Variants in CAMTA1 observed in about 807,000 individuals in gnomAD.
CAMTA1 encodes calmodulin binding transcription activator 1, also known as calmodulin-binding transcription activator 1.
CAMTA1 carries 27 observed loss-of-function variants against 170.9 expected under a neutral mutation model. The observed-to-expected ratio is 0.16, with a 90% CI of 0.12 to 0.22. CAMTA1 has a LOEUF of 0.22. Ranked by LOEUF, CAMTA1 falls within the 10% of genes least tolerant of loss-of-function variation. The probability of loss-of-function intolerance (pLI) is 1.00; values close to 1 mark genes in which losing one functional copy is unlikely to be tolerated. For synonymous variants in CAMTA1, 833 were observed against 891.5 expected, an observed-to-expected ratio of 0.93 and a Z score of 1.17; for missense variants, 1,619 against 2,217.2, an observed-to-expected ratio of 0.73 and a Z score of 5.42.
At chr1:6,827,549 A>C (rs1255007600) in intron 3 of CAMTA1, among the ~76,000 whole-genome samples, 1 of 149,836 alleles carries the variant, frequency 6.7e-6, no homozygotes, top group Non-Finnish European at 1.5e-5. Context: ...TTTTTTTTTT[A>C]AACTGGCTTT....
At chr1:7,603,557 C>A (rs1201292609) in intron 6 of CAMTA1, among the ~76,000 whole-genome samples, 6 of 152,202 alleles carry the variant, frequency 3.9e-5, no homozygotes, top group African/African-American at 1.4e-4. Context: ...CCATCCCTTT[C>A]TTTTGAGCCT....
intron 3 of CAMTA1, among the ~76,000 whole-genome samples, chr1:6,883,338 G>A (rs1181160107): frequency 6.6e-6 from 1 of 151,472 alleles, no homozygotes; most frequent in African/African-American, 2.4e-5. Flanking sequence ...GAAATGGTGA[G>A]AATAAAAGCC....
At chr1:7,288,988 T>C (rs1192866339) in intron 5 of CAMTA1, among the ~76,000 whole-genome samples, 1 of 152,198 alleles carries the variant, frequency 6.6e-6, no homozygotes, top group Non-Finnish European at 1.5e-5. Context: ...TGGTATCTTC[T>C]TGGCTTCTGG....
At chr1:7,056,293 G>T (rs1275423946) in intron 3 of CAMTA1, among the ~76,000 whole-genome samples, 1 of 152,034 alleles carries the variant, frequency 6.6e-6, no homozygotes, top group Non-Finnish European at 1.5e-5. Context: ...TTCCTTGGTG[G>T]TTTTGAATAT....
chr1:7,436,264 G>A (rs1173405005), intron 5 of CAMTA1, among the ~76,000 whole-genome samples: 3 of 152,184 alleles, frequency 2.0e-5, no homozygotes, highest in African/African-American at 2.4e-5. Flanking sequence ...CCTGCGTGCC[G>A]CAGGCCCCTG....
At chr1:6,849,810 G>A (rs1352909469) in intron 3 of CAMTA1, among the ~76,000 whole-genome samples, 1 of 151,936 alleles carries the variant, frequency 6.6e-6, no homozygotes. Flanking sequence ...TGAGGCAGGA[G>A]GATCACTTGA....
At chr1:7,278,878 G>A (rs1262182199) in intron 5 of CAMTA1, among the ~76,000 whole-genome samples, 2 of 152,150 alleles carry the variant, frequency 1.3e-5, no homozygotes, top group East Asian at 3.8e-4. Flanking sequence ...AAAAGTGCAG[G>A]AACTCTAAGA....
intron 3 of CAMTA1, among the ~76,000 whole-genome samples, chr1:6,992,650 G>A (rs963252354): frequency 1.3e-5 from 2 of 152,218 alleles, no homozygotes; most frequent in African/African-American, 4.8e-5. Context: ...AATTATGGCA[G>A]GAGGGAAAGC....
rs994028717 is a variant in CAMTA1 at position 7,224,612 on chromosome 1, G to A, written c.303-24879G>A. Among the ~76,000 whole-genome samples the A allele has an allele frequency of 1.1e-4, 16 of 152,126 alleles. No individual in the cohort carries two copies. The highest frequency in any genetic ancestry group is 2.1e-4 in the South Asian group (1 of 4,830). On this transcript the variant is annotated intron_variant, in intron 4 of 22. Transcript: ENST00000303635. The surrounding 1 kb of genome is among the most constrained non-coding windows in gnomAD (Gnocchi z 5.2). Reference sequence around the variant, plus strand: ...CAGGAGCACAAAACTCATGAATTCCGTCCCTGCTCAAGCGGGGTCCCAGGT... The same window carrying A: ...CAGGAGCACAAAACTCATGAATTCCATCCCTGCTCAAGCGGGGTCCCAGGT...
chr1:7,671,159 C>T lies in CAMTA1; in HGVS notation c.2779+122C>T, dbSNP rs901216371. 44 of 1,105,580 alleles carry T rather than the reference C, an allele frequency of 4.0e-5. 1 individual carries two copies. The East Asian group carries it at 5.3e-4, about 13-fold the overall frequency. 68.5% of individuals were successfully genotyped at this position (1,105,580 alleles called of 1,614,324 possible). A position where few individuals can be genotyped will look rare whatever the true frequency, so the allele number is the denominator to read the frequency against. ...TCCTTACTCTAGGCCTCAGTTTCCT[C>T]GGCTGTGAAGAAGCGGATCCCCGAT... On this transcript the variant is annotated intron_variant, in intron 10 of 22. Transcript: ENST00000303635.
chr1:6,983,091 G>C (rs1188925130), intron 3 of CAMTA1, among the ~76,000 whole-genome samples: 1 of 152,176 alleles, frequency 6.6e-6, no homozygotes, highest in Non-Finnish European at 1.5e-5. Flanking sequence ...AGGACTTACA[G>C]AACATTCCAG....
At chr1:7,016,808 C>T (rs952940828) in intron 3 of CAMTA1, among the ~76,000 whole-genome samples, 3 of 151,674 alleles carry the variant, frequency 2.0e-5, no homozygotes, top group Non-Finnish European at 4.4e-5. Flanking sequence ...TGCACTCCAG[C>T]CTGAGTGACA....
intron 3 of CAMTA1, among the ~76,000 whole-genome samples, chr1:6,987,792 C>T (rs764610322): frequency 7.9e-5 from 12 of 152,126 alleles, no homozygotes; most frequent in Non-Finnish European, 1.0e-4. Flanking sequence ...CTTTTGGTCC[C>T]GGGAATCCAG....
rs115185404 is a variant in CAMTA1 at position 7,677,289 on chromosome 1, C to G, written c.2780-310C>G. Among the ~76,000 whole-genome samples, 873 of 152,314 alleles carry G rather than the reference C, an allele frequency of 5.7e-3. 10 individuals carry two copies. Among genetic ancestry groups the G allele is most frequent in the African/African-American group, 0.02 (834 of 41,570 alleles). ...ATGAGGCAGGGATGGGGGCCATTCA[C>G]TCATTCACTTGTTCAGCCAGTCTGT... On this transcript the variant is annotated intron_variant, in intron 10 of 22. Coordinates refer to ENST00000303635, the MANE Select transcript of CAMTA1 (RefSeq NM_015215.4).
chr1:6,948,525 A>G (rs1687929849), intron 3 of CAMTA1, among the ~76,000 whole-genome samples: 1 of 152,278 alleles, frequency 6.6e-6, no homozygotes, highest in African/African-American at 2.4e-5. Context: ...ATTGTCCTCC[A>G]TTTACCGATG....
At chr1:7,490,558 C>T (rs549371511) in intron 6 of CAMTA1, among the ~76,000 whole-genome samples, 3 of 152,120 alleles carry the variant, frequency 2.0e-5, no homozygotes, top group Admixed American at 1.3e-4. Context: ...AGGCTGAGGC[C>T]GGAGAATCGC....
At chr1:7,003,822 G>A (rs1184977049) in intron 3 of CAMTA1, among the ~76,000 whole-genome samples, 1 of 152,214 alleles carries the variant, frequency 6.6e-6, no homozygotes, top group Non-Finnish European at 1.5e-5. Flanking sequence ...GTTTACGGAA[G>A]TATCTGGTTT....
At chr1:7,309,524 C>T (rs2149600393) in intron 5 of CAMTA1, among the ~76,000 whole-genome samples, 1 of 151,828 alleles carries the variant, frequency 6.6e-6, no homozygotes, top group East Asian at 1.9e-4. Context: ...TGGTCTCGAT[C>T]TCCTGACCTC....
chr1:7,225,048 G>T lies in CAMTA1; in HGVS notation c.303-24443G>T, dbSNP rs549488726. ...GGCTGTAAGGGGCCAGCTGGGCAGG[G>T]CACTGGAGCCTGGGGCAAATTCTTA... On this transcript the variant is annotated intron_variant, in intron 4 of 22. Transcript: ENST00000303635. Among the ~76,000 whole-genome samples the T allele has an allele frequency of 1.2e-4, 19 of 152,282 alleles. No individual in the cohort carries two copies. In the East Asian group the frequency reaches 3.3e-3, roughly 26 times the overall value.
Sources: gnomAD v4.1 joint callset for allele counts (sites outside exome capture counted in the v4.1 genomes callset) on GRCh38, gnomAD v4.1.1 for gene constraint, Gnocchi (gnomAD v3.1) non-coding constraint, MANE v1.5 for transcripts, NCBI Gene and HGNC (gene_info 2026-07-23, HGNC 2026-07-21) for gene names.